TTC29: variants seen among roughly 807,000 people sequenced by gnomAD.
TTC29 encodes tetratricopeptide repeat protein 29.
In TTC29, 49 loss-of-function variants were observed where a neutral mutation model predicts 58.1. The ratio of observed to expected loss-of-function variants is 0.84; its 90% CI spans 0.67 to 1.07. The LOEUF is 1.07. Ranked by LOEUF, TTC29 falls within the 50% of genes least tolerant of loss-of-function variation. TTC29 has a pLI of 0.00. For synonymous variants in TTC29, 209 were observed against 196.8 expected, an observed-to-expected ratio of 1.06 and a Z score of -0.52; for missense variants, 582 against 555.6, an observed-to-expected ratio of 1.05 and a Z score of -0.48.
intron 8 of TTC29, among the ~76,000 whole-genome samples, chr4:146,845,008 AG>A (rs1447665729): frequency 6.6e-6 from 1 of 151,644 alleles, no homozygotes; most frequent in Non-Finnish European, 1.5e-5. Flanking sequence ...AAGAAAACTC[AG>A]CCCCTCGTCT....
chr4:146,749,736 G>A (rs1745836444), intron 11 of TTC29, among the ~76,000 whole-genome samples: 1 of 152,030 alleles, frequency 6.6e-6, no homozygotes, highest in East Asian at 1.9e-4. Context: ...CAGCTTCAAG[G>A]CACATTATAA....
At chr4:146,793,488 T>A (rs1469789699) in intron 11 of TTC29, among the ~76,000 whole-genome samples, 5 of 152,106 alleles carry the variant, frequency 3.3e-5, no homozygotes, top group Non-Finnish European at 5.9e-5. Context: ...CATTTTTTTT[T>A]AGAAAAATGC....
chr4:146,932,694 C>G (rs1278053113), intron 4 of TTC29, among the ~76,000 whole-genome samples: 2 of 151,902 alleles, frequency 1.3e-5, no homozygotes, highest in Non-Finnish European at 2.9e-5. Context: ...TGTGGACTGG[C>G]AAAACACTAA....
chr4:146,748,122 G>A (rs1444871159), intron 11 of TTC29, among the ~76,000 whole-genome samples: 1 of 152,180 alleles, frequency 6.6e-6, no homozygotes, highest in South Asian at 2.1e-4. Context: ...CTGCCAGAGT[G>A]CCCTGTTGCT....
At chr4:146,786,822 C>A (rs1749054101) in intron 11 of TTC29, among the ~76,000 whole-genome samples, 1 of 151,966 alleles carries the variant, frequency 6.6e-6, no homozygotes, top group African/African-American at 2.4e-5. Context: ...ATAAAAGTCA[C>A]TGAACTAAGG....
intron 8 of TTC29, among the ~76,000 whole-genome samples, chr4:146,836,416 T>C (rs1728513394): frequency 6.6e-6 from 1 of 152,104 alleles, no homozygotes; most frequent in South Asian, 2.1e-4. Flanking sequence ...AAGGAGCTGC[T>C]CTAAATCAAA....
chr4:146,719,956 G>A (rs1008460438), intron 11 of TTC29, among the ~76,000 whole-genome samples: 1 of 152,102 alleles, frequency 6.6e-6, no homozygotes, highest in Non-Finnish European at 1.5e-5. Context: ...GTGCTTAGAG[G>A]AAAATGCTTT....
chr4:146,807,998 C>T (rs190588109), intron 10 of TTC29, among the ~76,000 whole-genome samples: 154 of 152,206 alleles, frequency 1.0e-3, no homozygotes, highest in African/African-American at 3.3e-3. Context: ...CAATAAAATA[C>T]GGGCAAACCA....
intron 4 of TTC29, among the ~76,000 whole-genome samples, chr4:146,934,720 A>G (rs1735639493): frequency 6.6e-6 from 1 of 152,162 alleles, no homozygotes; most frequent in African/African-American, 2.4e-5. Flanking sequence ...AGTGTGGAGA[A>G]AAACCACAGA....
intron 4 of TTC29, among the ~76,000 whole-genome samples, chr4:146,928,943 A>G (rs1049766326): frequency 9.8e-5 from 15 of 152,342 alleles, no homozygotes; most frequent in African/African-American, 3.4e-4. Context: ...TATTCTGACC[A>G]AATAACTTTT....
At chr4:146,763,391 G>T (rs539825387) in intron 11 of TTC29, among the ~76,000 whole-genome samples, 1 of 152,134 alleles carries the variant, frequency 6.6e-6, no homozygotes, top group South Asian at 2.1e-4. Flanking sequence ...TTTTGTTGAT[G>T]ATAATCCAGT....
chr4:146,767,050 C>A (rs1747379611), intron 11 of TTC29, among the ~76,000 whole-genome samples: 1 of 152,110 alleles, frequency 6.6e-6, no homozygotes, highest in African/African-American at 2.4e-5. Context: ...ATAGATTCCA[C>A]TGGAGCTTCC....
In TTC29 at chr4:146,872,907, T is replaced by A. The variant is rs555208122; in HGVS notation, c.799+1809A>T. ...TATAATCAAGATCTTTGAAAAGTTG[T>A]ACACAAATGTTCATTCCAGCATTAT... On this transcript the variant is annotated intron_variant, in intron 7 of 12. Transcript: ENST00000325106. 7.2e-5 allele frequency among the ~76,000 whole-genome samples: 11 copies of A among 152,198 alleles called. No homozygotes were observed. In the East Asian group the frequency reaches 1.4e-3, roughly 19 times the overall value.
intron 2 of TTC29, among the ~76,000 whole-genome samples, chr4:146,940,717 C>T (rs956169356): frequency 3.3e-5 from 5 of 152,166 alleles, no homozygotes; most frequent in Non-Finnish European, 7.3e-5. Flanking sequence ...CATGTGGTCT[C>T]CTCATGTGGC....
At chr4:146,803,126 G>T (rs577809016) in intron 11 of TTC29, among the ~76,000 whole-genome samples, 23 of 151,672 alleles carry the variant, frequency 1.5e-4, no homozygotes, top group East Asian at 1.9e-4. Context: ...ATAACATGGC[G>T]CATGCTAAAA....
chr4:146,831,890 T>C (rs923589883), intron 9 of TTC29: 1 of 199,188 alleles, frequency 5.0e-6, no homozygotes, highest in Non-Finnish European at 1.1e-5. Flanking sequence ...TAGATGTTTA[T>C]AAATAAATTT....
chr4:146,760,690 G>T (rs926954328), intron 11 of TTC29, among the ~76,000 whole-genome samples: 2 of 150,592 alleles, frequency 1.3e-5, no homozygotes, highest in Non-Finnish European at 3.0e-5. Context: ...GTGGGGAAAG[G>T]ACACCCTTTT....
chr4:146,756,964 T>C (rs1746497298), intron 11 of TTC29, among the ~76,000 whole-genome samples: 1 of 152,170 alleles, frequency 6.6e-6, no homozygotes, highest in Non-Finnish European at 1.5e-5. Flanking sequence ...TTCCTTGCAT[T>C]GGGCTTTGCC....
chr4:146,912,487 T>C (rs138583465), intron 4 of TTC29, among the ~76,000 whole-genome samples: 428 of 152,284 alleles, frequency 2.8e-3, no homozygotes, highest in African/African-American at 9.5e-3. Context: ...AGTGCGCTGC[T>C]GTTTCCGTGT....
Sources: gnomAD v4.1 joint callset for allele counts (sites outside exome capture counted in the v4.1 genomes callset) on GRCh38, gnomAD v4.1.1 for gene constraint, MANE v1.5 for transcripts, NCBI Gene and HGNC (gene_info 2026-07-23, HGNC 2026-07-21) for gene names.